ECI2: variants seen among roughly 807,000 people sequenced by gnomAD.
ECI2 encodes enoyl-CoA delta isomerase 2.
ECI2 carries 27 observed loss-of-function variants against 38.4 expected under a neutral mutation model. That is an observed-to-expected ratio of 0.70 (90% CI 0.52 to 0.97). ECI2 has a LOEUF of 0.97. Among genes scored for constraint, ECI2 ranks in the 50% least tolerant of loss-of-function variants. The pLI, the probability that ECI2 is intolerant of heterozygous loss-of-function variation, is 0.00. For synonymous variants in ECI2, 168 were observed against 172.0 expected, an observed-to-expected ratio of 0.98 and a Z score of 0.18; for missense variants, 470 against 474.4, an observed-to-expected ratio of 0.99 and a Z score of 0.09.
chr6:4,135,446 C>A, intron 1 of ECI2, 65 bp downstream of exon 1: 1 of 1,609,470 alleles, frequency 6.2e-7, no homozygotes, highest in Non-Finnish European at 8.5e-7. Flanking sequence ...ACGGCGGCGA[C>A]CTTCGCCTGG....
intron 7 of ECI2, chr6:4,122,098 G>A: frequency 8.7e-7 from 1 of 1,154,702 alleles, no homozygotes; most frequent in Non-Finnish European, 1.3e-6. Flanking sequence ...TTTTCAGAAA[G>A]AGAGCAGCAG....
intron 1 of ECI2, 164 bp downstream of exon 1, chr6:4,135,347 A>ATCAC: frequency 6.8e-7 from 1 of 1,479,566 alleles, no homozygotes; most frequent in Non-Finnish European, 9.0e-7. Context: ...GGCGCGCGTG[A>ATCAC]GGTCGTCACT....
At chr6:4,129,392 G>A (rs965038159) in intron 4 of ECI2, among the ~76,000 whole-genome samples, 1 of 152,148 alleles carries the variant, frequency 6.6e-6, no homozygotes, top group Non-Finnish European at 1.5e-5. Flanking sequence ...GGGATTACAG[G>A]GGTGAGCCAC....
At chr6:4,118,547 C>T (rs1238538666) in intron 8 of ECI2, 1 of 152,274 alleles carries the variant, frequency 6.6e-6, no homozygotes, top group Non-Finnish European at 1.5e-5. Flanking sequence ...TCCTATAGCT[C>T]AGCTTCTGGT....
intron 7 of ECI2, chr6:4,121,834 T>C: frequency 2.4e-6 from 1 of 420,040 alleles, no homozygotes; most frequent in East Asian, 3.7e-5. Context: ...TTGTTTTTAC[T>C]ATATAACTGT....
At chr6:4,125,403 T>A (rs1274894090) in intron 6 of ECI2, 33 bp from the exon 7 acceptor site, 9 of 1,612,764 alleles carry the variant, frequency 5.6e-6, no homozygotes, top group African/African-American at 1.3e-5. Flanking sequence ...TCATTAAATG[T>A]GCCAAAGCAG....
rs768954184 is a variant in ECI2, at chr6:4,115,944, T to C, written c.1115A>G (p.Gln372Arg). 1 of 1,614,226 alleles carries C rather than the reference T, an allele frequency of 6.2e-7. No individual in the cohort carries two copies. Among genetic ancestry groups the C allele is most frequent in the Non-Finnish European group, 8.5e-7 (1 of 1,180,040 alleles). The change falls in exon 10 of 10, where the codon CAG becomes CGG. Residue 372 changes from glutamine (Q) to arginine (R), a missense_variant. Physicochemically the swap from Gln to Arg is conservative, Grantham distance 43. Transcript: ENST00000380118. Reference protein sequence around the residue: ...AVNAEECNVLQGRWLSDECTN... With the variant: ...AVNAEECNVLRGRWLSDECTN... The stretch of plus-strand genomic sequence containing the variant: ...GCATTCATCTGATAGCCATCTTCCC[T>C]GAAGGACATTGCATTCTTCAGCATT...
chr6:4,119,731 A>T (rs1413662453), intron 7 of ECI2, among the ~76,000 whole-genome samples: 2 of 152,216 alleles, frequency 1.3e-5, no homozygotes, highest in East Asian at 1.9e-4. Context: ...TTCACCCTTT[A>T]AAAGTGTATA....
rs28510878 is a variant in ECI2, at chr6:4,135,571, G to A, written c.-11C>T. The A allele has an allele frequency of 2.5e-6, 4 of 1,573,224 alleles. No homozygotes were observed. In the Admixed American group the frequency reaches 7.0e-5, roughly 28 times the overall value. On this transcript the variant is annotated 5_prime_UTR_variant, in exon 1 of 10. Transcript: ENST00000380118. ...GTACGCCATCGCCATCCCTTGGGCGGCTCTAGGGCTGCGGGGGCTCGGGGG... is the reference window on the plus strand; with the variant it reads ...GTACGCCATCGCCATCCCTTGGGCGACTCTAGGGCTGCGGGGGCTCGGGGG...
intron 2 of ECI2, 152 bp from the exon 3 acceptor site, chr6:4,131,017 T>C (rs1773481733): frequency 3.3e-6 from 2 of 610,678 alleles, no homozygotes; most frequent in South Asian, 6.0e-5. Context: ...CTCCAGTCTC[T>C]TTGATGTTGT....
At chr6:4,130,981 G>T in intron 2 of ECI2, 116 bp from the exon 3 acceptor site, 1 of 915,462 alleles carries the variant, frequency 1.1e-6, no homozygotes, top group Non-Finnish European at 1.6e-6. Flanking sequence ...CTTTCACAGG[G>T]TATGTAAATT....
intron 4 of ECI2, among the ~76,000 whole-genome samples, chr6:4,128,758 CTA>C (rs1271733213): frequency 6.6e-6 from 1 of 152,118 alleles, no homozygotes; most frequent in Non-Finnish European, 1.5e-5. Context: ...TATAATAACT[CTA>C]GAGATGATTT....
At position 4,122,012 on chromosome 6, in the gene ECI2, A is replaced by G. The variant is rs552201838; in HGVS notation, c.796-2737T>C. On this transcript the variant is annotated intron_variant, in intron 7 of 9. Coordinates refer to ENST00000380118, the MANE Select transcript of ECI2 (RefSeq NM_206836.3). ...TAAGGAATACAAGCAGGAAACTGAG[A>G]AACCTGCCAACAACAGCTAAAGGGA... 3.7e-6 allele frequency: 6 copies of G among 1,607,490 alleles called. No individual in the cohort carries two copies. The Admixed American group carries it at 8.4e-5, about 23-fold the overall frequency.
chr6:4,123,125 A>AT (rs1228709941), intron 7 of ECI2, among the ~76,000 whole-genome samples: 1 of 151,808 alleles, frequency 6.6e-6, no homozygotes, highest in Non-Finnish European at 1.5e-5. Flanking sequence ...TTATAAAACA[A>AT]TTTTTTCTAC....
At chr6:4,134,682 C>T (rs946372118) in intron 1 of ECI2, among the ~76,000 whole-genome samples, 4 of 152,060 alleles carry the variant, frequency 2.6e-5, no homozygotes, top group African/African-American at 9.7e-5. Context: ...GTAAGATCAG[C>T]CTAGAGTAAG....
chr6:4,129,289 T>A (rs9688631), intron 4 of ECI2, among the ~76,000 whole-genome samples: 2,604 of 152,136 alleles, frequency 0.017, 71 homozygotes, highest in African/African-American at 0.059. Context: ...ATTTTTTGTA[T>A]CTTTAGTAGA....
intron 4 of ECI2, among the ~76,000 whole-genome samples, 161 bp from the exon 5 acceptor site, chr6:4,127,992 A>C (rs963714434): frequency 2.0e-5 from 3 of 152,230 alleles, no homozygotes; most frequent in Non-Finnish European, 4.4e-5. Context: ...ACATAACTGA[A>C]GGAATTTTTA....
intron 2 of ECI2, among the ~76,000 whole-genome samples, chr6:4,133,304 G>A (rs894341161): frequency 4.6e-5 from 7 of 151,952 alleles, no homozygotes; most frequent in Admixed American, 1.3e-4. Flanking sequence ...GTCTACAAAT[G>A]TGAATATTAT....
At chr6:4,116,836 C>G (rs1386320788) in intron 9 of ECI2, among the ~76,000 whole-genome samples, 1 of 152,208 alleles carries the variant, frequency 6.6e-6, no homozygotes, top group African/African-American at 2.4e-5. Context: ...AGGTGTGGGG[C>G]AGGCCTGTGA....
Sources: gnomAD v4.1 joint callset for allele counts (sites outside exome capture counted in the v4.1 genomes callset) on GRCh38, gnomAD v4.1.1 for gene constraint, MANE v1.5 for transcripts, NCBI Gene and HGNC (gene_info 2026-07-23, HGNC 2026-07-21) for gene names.